CDH18: variants seen among roughly 807,000 people sequenced by gnomAD.
The protein encoded by CDH18 is cadherin 18, also known as cadherin-18.
Under a neutral mutation model 67.9 loss-of-function variants are expected in CDH18, and 31 were observed. That is an observed-to-expected ratio of 0.46 (90% confidence interval 0.34 to 0.62). The LOEUF (loss-of-function observed/expected upper bound fraction) is 0.62. Ranked by LOEUF, CDH18 falls within the 20% of genes least tolerant of loss-of-function variation. The pLI is 0.01. For missense variants in CDH18, 890 were observed against 975.5 expected, an observed-to-expected ratio of 0.91 and a Z score of 1.17; for synonymous variants, 362 against 347.2, an observed-to-expected ratio of 1.04 and a Z score of -0.48.
intron 8 of CDH18, among the ~76,000 whole-genome samples, chr5:19,547,357 T>A (rs1028133689): frequency 4.6e-5 from 7 of 152,198 alleles, no homozygotes; most frequent in Non-Finnish European, 8.8e-5. Flanking sequence ...AGGATTCAAA[T>A]TTGGAACTTA....
rs138277592 is a variant in CDH18 at position 20,560,553 on chromosome 5, A to G, written c.-580+14909T>C. 2.8e-3 allele frequency among the ~76,000 whole-genome samples: 424 copies of G among 151,610 alleles called. 7 individuals carry two copies. The highest frequency in any genetic ancestry group is 0.023 in the East Asian group (120 of 5,116). ...TCCATTAAGACTCAAAGGTAATTCA[A>G]GAGCAGAGAGATTCAGAGTGGAGAA... On this transcript the variant is annotated intron_variant, in intron 1 of 14. Coordinates refer to the CDH18 transcript ENST00000507958.
chr5:19,820,841 C>A (rs62355789), intron 3 of CDH18, among the ~76,000 whole-genome samples: 229 of 152,214 alleles, frequency 1.5e-3, no homozygotes, highest in African/African-American at 5.3e-3. Flanking sequence ...GGAACCCATA[C>A]AGAGCCTTGG....
intron 1 of CDH18, among the ~76,000 whole-genome samples, chr5:20,379,023 C>T (rs1743690733): frequency 6.6e-6 from 1 of 152,040 alleles, no homozygotes; most frequent in Non-Finnish European, 1.5e-5. Flanking sequence ...AATGGGCATG[C>T]TGTCTACACT....
At chr5:20,003,834 T>C (rs891690195) in intron 2 of CDH18, among the ~76,000 whole-genome samples, 2 of 152,134 alleles carry the variant, frequency 1.3e-5, no homozygotes, top group African/African-American at 2.4e-5. Flanking sequence ...GAGGTGGAGC[T>C]TGCAGTGAGC....
intron 1 of CDH18, among the ~76,000 whole-genome samples, chr5:20,505,446 T>C (rs1452909905): frequency 6.6e-6 from 1 of 152,190 alleles, no homozygotes; most frequent in African/African-American, 2.4e-5. Flanking sequence ...TTGGTAGATA[T>C]TATTTTCCAA....
In CDH18 at chr5:20,420,836, T is replaced by C. The variant is rs1161700786; in HGVS notation, c.-580+154626A>G. Among the ~76,000 whole-genome samples the C allele has an allele frequency of 4.6e-5, 7 of 151,442 alleles. No homozygotes were observed. The East Asian group carries it at 9.6e-4, about 21-fold the overall frequency. Reference sequence around the variant, plus strand: ...ATAATAACTTTTATGGCATTTTGCCTGAAAGTAGTAAGTCAGCAAAAAAAT... The same window carrying C: ...ATAATAACTTTTATGGCATTTTGCCCGAAAGTAGTAAGTCAGCAAAAAAAT... On this transcript the variant is annotated intron_variant, in intron 1 of 14. Transcript: ENST00000507958.
intron 5 of CDH18, among the ~76,000 whole-genome samples, chr5:19,682,043 G>C (rs1224384363): frequency 3.9e-5 from 6 of 151,906 alleles, no homozygotes; most frequent in African/African-American, 1.4e-4. Context: ...AAAGAACTTA[G>C]GACACTTGAT....
chr5:20,422,352 T>A, intron 1 of CDH18, among the ~76,000 whole-genome samples: 1 of 151,144 alleles, frequency 6.6e-6, no homozygotes, highest in South Asian at 2.1e-4. Flanking sequence ...AGATACTTAT[T>A]TTAAATAAAG....
intron 1 of CDH18, among the ~76,000 whole-genome samples, chr5:20,486,143 G>A (rs541702389): frequency 2.6e-5 from 4 of 152,252 alleles, no homozygotes; most frequent in African/African-American, 9.6e-5. Context: ...AGTTCTAATT[G>A]TAAATGTGAA....
intron 5 of CDH18, among the ~76,000 whole-genome samples, chr5:19,679,598 C>T (rs981556414): frequency 2.0e-5 from 3 of 151,708 alleles, no homozygotes; most frequent in Non-Finnish European, 3.0e-5. Context: ...TATATGACTT[C>T]GGTAAAGTTT....
intron 8 of CDH18, among the ~76,000 whole-genome samples, chr5:19,547,806 T>C (rs74981802): frequency 0.027 from 4,046 of 152,250 alleles, 139 homozygotes; most frequent in East Asian, 0.093. Flanking sequence ...GATGCTTGGA[T>C]CCAAAGAGTC....
intron 5 of CDH18, among the ~76,000 whole-genome samples, chr5:19,664,874 G>A (rs1757697067): frequency 6.6e-6 from 1 of 151,936 alleles, no homozygotes; most frequent in South Asian, 2.1e-4. Flanking sequence ...GACCATGTCA[G>A]TTTTATTTAC....
chr5:19,842,907 A>G (rs1016629669), intron 2 of CDH18, among the ~76,000 whole-genome samples: 2 of 152,186 alleles, frequency 1.3e-5, no homozygotes, highest in Admixed American at 1.3e-4. Flanking sequence ...ATGTTTCAGC[A>G]AAGAGACTGG....
chr5:19,595,252 A>G (rs1745981693), intron 6 of CDH18, among the ~76,000 whole-genome samples: 2 of 152,232 alleles, frequency 1.3e-5, no homozygotes, highest in African/African-American at 4.8e-5. Context: ...ACTGAAAATT[A>G]TAAAACATGG....
At chr5:19,850,962 T>A (rs1783615146) in intron 2 of CDH18, among the ~76,000 whole-genome samples, 1 of 151,844 alleles carries the variant, frequency 6.6e-6, no homozygotes, top group African/African-American at 2.4e-5. Flanking sequence ...CATAACATAG[T>A]CATTCAAAAG....
In CDH18 at chr5:20,349,690, A is replaced by G. The variant is rs574005262; in HGVS notation, c.-579-94185T>C. 2.2e-3 allele frequency among the ~76,000 whole-genome samples: 340 copies of G among 152,262 alleles called. 2 individuals carry two copies. Among genetic ancestry groups the G allele is most frequent in the African/African-American group, 7.6e-3 (315 of 41,576 alleles). On this transcript the variant is annotated intron_variant, in intron 1 of 14. Coordinates refer to the CDH18 transcript ENST00000507958. Reference sequence around the variant, plus strand: ...TAGCTCCTTATCTGTCAGTTTAATGAATGTTATTTTTCATATTTAACACTC... The same window carrying G: ...TAGCTCCTTATCTGTCAGTTTAATGGATGTTATTTTTCATATTTAACACTC...
chr5:20,244,087 T>C (rs1217627411), intron 2 of CDH18, among the ~76,000 whole-genome samples: 5 of 152,160 alleles, frequency 3.3e-5, no homozygotes, highest in South Asian at 2.1e-4. Flanking sequence ...TTAGAAGATA[T>C]ATATGCCAAA....
chr5:20,381,941 T>G (rs1743938647), intron 1 of CDH18, among the ~76,000 whole-genome samples: 1 of 152,100 alleles, frequency 6.6e-6, no homozygotes, highest in Admixed American at 6.5e-5. Flanking sequence ...TAATTAAAAA[T>G]GAAAGATAAT....
chr5:19,736,485 A>T (rs1051356759), intron 4 of CDH18, among the ~76,000 whole-genome samples: 1 of 152,216 alleles, frequency 6.6e-6, no homozygotes, highest in South Asian at 2.1e-4. Flanking sequence ...ATAAATAATG[A>T]TATCTTCTTT....
Sources: gnomAD v4.1 joint callset for allele counts (sites outside exome capture counted in the v4.1 genomes callset) on GRCh38, gnomAD v4.1.1 for gene constraint, MANE v1.5 for transcripts, NCBI Gene and HGNC (gene_info 2026-07-23, HGNC 2026-07-21) for gene names.